The following SHLD1 variants were observed in gnomAD, a reference collection of about 807,000 sequenced individuals.
SHLD1 encodes the protein RINN1-REV7-interacting novel NHEJ regulator 3.
A neutral mutation model predicts 5.5 loss-of-function variants in SHLD1; 3 were observed. The observed-to-expected ratio is 0.54, with a 90% CI of 0.25 to 1.40. The LOEUF (loss-of-function observed/expected upper bound fraction) is 1.40. SHLD1 is among the 40% of genes most tolerant of loss of function. The pLI is 0.15. For missense variants in SHLD1, 210 were observed against 244.4 expected (o/e 0.86, Z 0.94); for synonymous variants, 92 against 94.3 (o/e 0.98, Z 0.14).
chr20:5,832,388 C>T (rs1012698972), intron 2 of SHLD1, among the ~76,000 whole-genome samples: 1 of 152,206 alleles, frequency 6.6e-6, no homozygotes, highest in Non-Finnish European at 1.5e-5. Context: ...GGATTAAGAT[C>T]GGGGCTTTCA....
intron 2 of SHLD1, among the ~76,000 whole-genome samples, chr20:5,825,528 G>C (rs2087656071): frequency 6.6e-6 from 1 of 152,226 alleles, no homozygotes; most frequent in Non-Finnish European, 1.5e-5. Context: ...GACATTAATA[G>C]CCATGTTGGC....
intron 2 of SHLD1, among the ~76,000 whole-genome samples, chr20:5,856,247 C>T (rs1456559635): frequency 6.6e-6 from 1 of 152,208 alleles, no homozygotes; most frequent in Non-Finnish European, 1.5e-5. Flanking sequence ...GATGGCAGAG[C>T]AACAGCAAGT....
At chr20:5,773,342 C>G in intron 2 of SHLD1, 1 of 580,090 alleles carries the variant, frequency 1.7e-6, no homozygotes, top group Middle Eastern at 4.1e-4. Flanking sequence ...TTTGGTTCAA[C>G]AAAGAGAGAG....
rs74601698 is a variant in SHLD1 at position 5,795,991 on chromosome 20, C to CA, written c.178+22960dup. ...TGGGCAACAGAGCGAGACTCTGTCT[C>CA]AAAAAAAAAAAAGAAAGAAAGAAAA... On this transcript the variant is annotated intron_variant, in intron 2 of 2. Transcript: ENST00000303142. Among the ~76,000 whole-genome samples the CA allele has an allele frequency of 1.3e-3, 172 of 133,458 alleles. 1 individual carries two copies. The highest frequency in any genetic ancestry group is 7.8e-3 in the Middle Eastern group (2 of 258). The allele number at this position is 133,458 out of a possible 152,430, so 87.6% of individuals were successfully genotyped here. A position where few individuals can be genotyped will look rare whatever the true frequency, so the allele number is the denominator to read the frequency against.
intron 2 of SHLD1, among the ~76,000 whole-genome samples, chr20:5,791,525 C>T (rs2087139302): frequency 7.3e-6 from 1 of 136,846 alleles, no homozygotes; most frequent in Non-Finnish European, 1.5e-5. Flanking sequence ...AATTGCACCA[C>T]TGCACTCCAG....
rs140029954 is a variant in SHLD1 at position 5,792,722 on chromosome 20, G to A, written c.178+19679G>A. The stretch of plus-strand genomic sequence containing the variant: ...AGAGTCTTGGTCTGTTGCCCAGGCT[G>A]GAGTCCAGTGGCATGATCCCGGCTC... On this transcript the variant is annotated intron_variant, in intron 2 of 2. Transcript: ENST00000303142. 3.5e-3 allele frequency among the ~76,000 whole-genome samples: 526 copies of A among 151,016 alleles called. 1 individual carries two copies. Among genetic ancestry groups the A allele is most frequent in the African/African-American group, 0.012 (478 of 40,904 alleles).
chr20:5,819,122 A>G (rs1273648671), intron 2 of SHLD1, among the ~76,000 whole-genome samples: 1 of 152,034 alleles, frequency 6.6e-6, no homozygotes, highest in Non-Finnish European at 1.5e-5. Flanking sequence ...TCAGCCTCCC[A>G]AAGTGCTGGG....
chr20:5,786,848 G>A (rs1056499063), intron 2 of SHLD1, among the ~76,000 whole-genome samples: 1 of 152,006 alleles, frequency 6.6e-6, no homozygotes, highest in Non-Finnish European at 1.5e-5. Context: ...ATATGGGCAG[G>A]GAAGGGGAAT....
chr20:5,831,927 GC>G (rs1308504428), intron 2 of SHLD1, among the ~76,000 whole-genome samples: 1 of 151,516 alleles, frequency 6.6e-6, no homozygotes. Flanking sequence ...CATGCTCTCT[GC>G]CCCGTGTTCC....
intron 2 of SHLD1, among the ~76,000 whole-genome samples, chr20:5,818,165 T>C (rs767347437): frequency 1.5e-4 from 23 of 152,130 alleles, no homozygotes; most frequent in Admixed American, 1.1e-3. Context: ...AACCTCTGCC[T>C]CCCAGGTTCA....
intron 2 of SHLD1, chr20:5,773,437 G>C (rs939210280): frequency 9.2e-6 from 4 of 434,144 alleles, no homozygotes; most frequent in African/African-American, 5.9e-5. Context: ...TAAAAATAGA[G>C]ACTTTAGCAT....
intron 2 of SHLD1, among the ~76,000 whole-genome samples, chr20:5,795,268 AAC>A (rs976955956): frequency 2.6e-4 from 39 of 150,602 alleles, no homozygotes; most frequent in African/African-American, 7.9e-4. Flanking sequence ...CAAAACAAAA[AAC>A]ACACACACAC....
chr20:5,854,286 G>A (rs1439588943), intron 2 of SHLD1, among the ~76,000 whole-genome samples: 1 of 152,182 alleles, frequency 6.6e-6, no homozygotes, highest in African/African-American at 2.4e-5. Flanking sequence ...GATTACAGGC[G>A]TGAGCCACCA....
At chr20:5,813,929 C>A (rs1311912502) in intron 2 of SHLD1, among the ~76,000 whole-genome samples, 2 of 147,052 alleles carry the variant, frequency 1.4e-5, no homozygotes, top group African/African-American at 5.0e-5. Context: ...TCTCAAACAC[C>A]TTTTTCCTTT....
chr20:5,782,492 T>C (rs952093218), intron 2 of SHLD1, among the ~76,000 whole-genome samples: 2 of 152,210 alleles, frequency 1.3e-5, no homozygotes, highest in African/African-American at 4.8e-5. Flanking sequence ...GTAGGAAATA[T>C]CAGCCCTTTC....
intron 2 of SHLD1, among the ~76,000 whole-genome samples, chr20:5,804,073 T>G (rs1195844117): frequency 2.0e-5 from 3 of 151,710 alleles, no homozygotes; most frequent in Admixed American, 1.3e-4. Context: ...CACTTTGAGA[T>G]GCCGAGGCGG....
chr20:5,857,416 T>C (rs1319887811), intron 2 of SHLD1, among the ~76,000 whole-genome samples: 1 of 152,000 alleles, frequency 6.6e-6, no homozygotes, highest in East Asian at 1.9e-4. Context: ...TGCAGGGCCC[T>C]GAAAAAGGGA....
At chr20:5,800,948 G>T (rs1338351472) in intron 2 of SHLD1, among the ~76,000 whole-genome samples, 4 of 152,128 alleles carry the variant, frequency 2.6e-5, no homozygotes, top group Non-Finnish European at 4.4e-5. Context: ...ATCAGGAAAG[G>T]CTAAATTATG....
intron 2 of SHLD1, chr20:5,773,346 G>A: frequency 1.7e-6 from 1 of 573,288 alleles, no homozygotes; most frequent in Non-Finnish European, 3.1e-6. Context: ...GTTCAACAAA[G>A]AGAGAGTGGA....
Sources: gnomAD v4.1 joint callset for allele counts (sites outside exome capture counted in the v4.1 genomes callset) on GRCh38, gnomAD v4.1.1 for gene constraint, MANE v1.5 for transcripts, NCBI Gene and HGNC (gene_info 2026-07-23, HGNC 2026-07-21) for gene names.